The following PCDHA11 variants were observed in gnomAD, a reference collection of about 807,000 sequenced individuals.
PCDHA11 encodes the protein protocadherin alpha-11.
A neutral mutation model predicts 70.3 loss-of-function variants in PCDHA11; 61 were observed. The observed-to-expected ratio is 0.87, with a 90% CI of 0.71 to 1.07. The LOEUF (loss-of-function observed/expected upper bound fraction) is 1.07. Ranked by LOEUF, PCDHA11 falls within the 50% of genes least tolerant of loss-of-function variation. PCDHA11 has a pLI of 0.00. For synonymous variants in PCDHA11, 633 were observed against 555.1 expected (o/e 1.14, Z -1.97); for missense variants, 1,324 against 1,237.5 (o/e 1.07, Z -1.05).
intron 1 of PCDHA11, among the ~76,000 whole-genome samples, chr5:140,873,700 A>G (rs1411262715): frequency 3.3e-5 from 5 of 152,202 alleles, no homozygotes; most frequent in African/African-American, 1.2e-4. Flanking sequence ...TTGCTCTATC[A>G]CCCAGGCTGG....
intron 1 of PCDHA11, chr5:140,877,791 C>T: frequency 6.2e-7 from 1 of 1,614,022 alleles, no homozygotes. Flanking sequence ...TGGCCTTCAG[C>T]CCAAGCCTTC....
chr5:140,975,099 A>G (rs540357854), intron 1 of PCDHA11, among the ~76,000 whole-genome samples: 1 of 152,152 alleles, frequency 6.6e-6, no homozygotes, highest in Non-Finnish European at 1.5e-5. Flanking sequence ...TTGTTTGGGG[A>G]CTGAGATCTC....
intron 1 of PCDHA11, among the ~76,000 whole-genome samples, chr5:140,904,057 G>T (rs1043471579): frequency 6.6e-6 from 1 of 151,986 alleles, no homozygotes; most frequent in Non-Finnish European, 1.5e-5. Context: ...ATTTCAATGG[G>T]TTTTTGGGGA....
chr5:140,970,157 C>T (rs2096386547), intron 1 of PCDHA11, among the ~76,000 whole-genome samples: 2 of 152,176 alleles, frequency 1.3e-5, no homozygotes, highest in African/African-American at 4.8e-5. Context: ...TCCCAATAGT[C>T]ACCTTTCTTG....
At chr5:140,919,166 GT>G (rs1382267419) in intron 1 of PCDHA11, among the ~76,000 whole-genome samples, 15 of 152,114 alleles carry the variant, frequency 9.9e-5, no homozygotes, top group Admixed American at 9.8e-4. Context: ...TATGTTTTTA[GT>G]TGCTATATCT....
Position 140,870,819 on chromosome 5 carries a change from G to T in PCDHA11, c.1716G>T (p.Ala572=). 5 of 1,613,714 alleles carry T rather than the reference G, an allele frequency of 3.1e-6. No individual in the cohort carries two copies. The highest frequency in any genetic ancestry group is 4.2e-6 in the Non-Finnish European group (5 of 1,179,890). Residue 572 remains alanine (A), a synonymous_variant, in exon 1 of 4, where the codon GCG becomes GCT. Transcript: ENST00000398640. ...PALLATQAGS[A]GGAVNKLVPR... ...TGCTGGCGACTCAGGCTGGCAGCGC[G>T]GGAGGCGCAGTTAACAAGCTAGTAC...
chr5:140,877,561 A>G (rs1582392588), intron 1 of PCDHA11: 1 of 1,613,748 alleles, frequency 6.2e-7, no homozygotes. Flanking sequence ...GGTGGATATT[A>G]ACGTGTACCT....
At chr5:140,938,937 C>T (rs1302555937) in intron 1 of PCDHA11, among the ~76,000 whole-genome samples, 4 of 152,070 alleles carry the variant, frequency 2.6e-5, no homozygotes, top group African/African-American at 9.7e-5. Context: ...TTTAACTTTC[C>T]ATTCTTATAA....
At chr5:140,881,574 A>C (rs565640252) in intron 1 of PCDHA11, among the ~76,000 whole-genome samples, 22 of 152,364 alleles carry the variant, frequency 1.4e-4, no homozygotes, top group Middle Eastern at 6.8e-3. Context: ...CTACATCTCA[A>C]GTCACATTGA....
intron 1 of PCDHA11, among the ~76,000 whole-genome samples, chr5:140,946,432 A>C (rs1254032204): frequency 6.6e-6 from 1 of 151,682 alleles, no homozygotes; most frequent in Admixed American, 6.6e-5. Context: ...GTTACTCAAA[A>C]ATTGAGACTA....
chr5:140,971,115 G>A (rs1409733667), intron 1 of PCDHA11, among the ~76,000 whole-genome samples: 1 of 152,146 alleles, frequency 6.6e-6, no homozygotes, highest in Non-Finnish European at 1.5e-5. Flanking sequence ...GGATTGGGGT[G>A]GGCTACAGGT....
chr5:140,957,948 G>C (rs2153715688), intron 1 of PCDHA11, among the ~76,000 whole-genome samples: 1 of 152,152 alleles, frequency 6.6e-6, no homozygotes, highest in Non-Finnish European at 1.5e-5. Flanking sequence ...AGATCTTTAA[G>C]ACTATTAATT....
intron 1 of PCDHA11, among the ~76,000 whole-genome samples, chr5:140,937,072 C>G (rs1321046541): frequency 7.0e-6 from 1 of 143,792 alleles, no homozygotes; most frequent in East Asian, 2.0e-4. Flanking sequence ...GAGTCTCGCT[C>G]TGTCGCCCAG....
chr5:140,969,184 C>A (rs1381646688), intron 1 of PCDHA11: 1 of 1,613,998 alleles, frequency 6.2e-7, no homozygotes, highest in Non-Finnish European at 8.5e-7. Flanking sequence ...GTGACACTTT[C>A]ATGTTTTACA....
chr5:140,895,687 T>G (rs1417809630), intron 1 of PCDHA11, among the ~76,000 whole-genome samples: 2 of 152,184 alleles, frequency 1.3e-5, no homozygotes, highest in African/African-American at 4.8e-5. Flanking sequence ...GTTTTCTGTT[T>G]CTATATTAAT....
chr5:140,935,435 A>G (rs1268078110), intron 1 of PCDHA11, among the ~76,000 whole-genome samples: 1 of 152,256 alleles, frequency 6.6e-6, no homozygotes, highest in Non-Finnish European at 1.5e-5. Context: ...TCAGCACTAC[A>G]GAAATAATAT....
chr5:140,894,478 A>C (rs2064495460), intron 1 of PCDHA11, among the ~76,000 whole-genome samples: 2 of 151,508 alleles, frequency 1.3e-5, no homozygotes, highest in South Asian at 4.2e-4. Context: ...TCTTGTTTTC[A>C]TCTTATAGTT....
At chr5:140,969,473 A>C (rs562575347) in intron 1 of PCDHA11, 2 of 1,478,208 alleles carry the variant, frequency 1.4e-6, no homozygotes, top group South Asian at 2.8e-5. Context: ...CCACAATTTG[A>C]TCATAATCTG....
chr5:140,884,703 A>T, intron 1 of PCDHA11: 3 of 1,495,534 alleles, frequency 2.0e-6, no homozygotes, highest in Non-Finnish European at 2.7e-6. Flanking sequence ...TAAACACTTT[A>T]GCCTTCCTTG....
Sources: gnomAD v4.1 joint callset for allele counts (sites outside exome capture counted in the v4.1 genomes callset) on GRCh38, gnomAD v4.1.1 for gene constraint, MANE v1.5 for transcripts, NCBI Gene and HGNC (gene_info 2026-07-23, HGNC 2026-07-21) for gene names.